Variants in TBC1D4 observed in about 807,000 individuals in gnomAD.
The protein encoded by TBC1D4 is TBC1 domain family member 4.
A neutral mutation model predicts 142.5 loss-of-function variants in TBC1D4; 121 were observed. The ratio of observed to expected loss-of-function variants is 0.85; its 90% CI spans 0.73 to 0.99. The LOEUF is 0.99. Among genes scored for constraint, TBC1D4 ranks in the 50% least tolerant of loss-of-function variants. TBC1D4 has a pLI of 0.00. For synonymous variants in TBC1D4, 630 were observed against 628.2 expected (o/e 1.00, Z -0.04); for missense variants, 1,475 against 1,606.6 (o/e 0.92, Z 1.40).
intron 1 of TBC1D4, among the ~76,000 whole-genome samples, chr13:75,444,705 C>T (rs915495163): frequency 6.6e-6 from 1 of 152,132 alleles, no homozygotes; most frequent in Admixed American, 6.6e-5. Context: ...AAATAAAAGA[C>T]AATACCCCTG....
At chr13:75,416,713 T>C (rs559727446) in intron 1 of TBC1D4, among the ~76,000 whole-genome samples, 20 of 152,262 alleles carry the variant, frequency 1.3e-4, no homozygotes, top group Middle Eastern at 3.4e-3. Context: ...TTGTGGATAA[T>C]AAAAAGTCCC....
At chr13:75,427,217 A>G (rs1256277974) in intron 1 of TBC1D4, among the ~76,000 whole-genome samples, 2 of 152,020 alleles carry the variant, frequency 1.3e-5, no homozygotes, top group Non-Finnish European at 2.9e-5. Context: ...CCTCCCGAGT[A>G]GCTGGAGCTA....
intron 1 of TBC1D4, among the ~76,000 whole-genome samples, chr13:75,394,792 T>C (rs1008510889): frequency 5.9e-5 from 9 of 152,248 alleles, no homozygotes; most frequent in African/African-American, 1.7e-4. Context: ...AATAATGTTA[T>C]TGTACTTTCA....
At chr13:75,461,049 A>C (rs545948574) in intron 1 of TBC1D4, among the ~76,000 whole-genome samples, 11 of 152,378 alleles carry the variant, frequency 7.2e-5, no homozygotes, top group African/African-American at 2.6e-4. Flanking sequence ...GTACCCATTC[A>C]GACATAAAAA....
intron 3 of TBC1D4, among the ~76,000 whole-genome samples, 170 bp from the exon 4 acceptor site, chr13:75,356,421 T>TA (rs376311241): frequency 3.9e-4 from 59 of 152,312 alleles, no homozygotes; most frequent in African/African-American, 1.3e-3. Context: ...GGCCTGTTGA[T>TA]ACATAAAATA....
intron 1 of TBC1D4, among the ~76,000 whole-genome samples, chr13:75,444,458 G>T (rs1448309123): frequency 6.6e-6 from 1 of 152,128 alleles, no homozygotes; most frequent in Non-Finnish European, 1.5e-5. Flanking sequence ...TAAATGCTGT[G>T]ATCATAATTT....
intron 1 of TBC1D4, among the ~76,000 whole-genome samples, chr13:75,452,733 T>C (rs1887580935): frequency 6.6e-6 from 1 of 152,180 alleles, no homozygotes; most frequent in Non-Finnish European, 1.5e-5. Context: ...AAGGCTTCAA[T>C]CCCTGATATA....
intron 5 of TBC1D4, among the ~76,000 whole-genome samples, chr13:75,342,058 C>T (rs1477022182): frequency 6.6e-6 from 1 of 151,812 alleles, no homozygotes; most frequent in Non-Finnish European, 1.5e-5. Context: ...ATTAGCCAGC[C>T]ATGGTGGCGG....
intron 1 of TBC1D4, among the ~76,000 whole-genome samples, chr13:75,456,819 C>T (rs1024197009): frequency 1.1e-4 from 16 of 150,810 alleles, no homozygotes; most frequent in Middle Eastern, 3.4e-3. Flanking sequence ...TGATAGCCTA[C>T]GTCCACCAAA....
chr13:75,338,169 C>T (rs11620195), intron 7 of TBC1D4, among the ~76,000 whole-genome samples: 53,559 of 151,498 alleles, frequency 0.35, 11,208 homozygotes, highest in East Asian at 0.65. Flanking sequence ...AAACTGAACT[C>T]GAGGCTTCAG....
chr13:75,413,455 C>T (rs963542343), intron 1 of TBC1D4, among the ~76,000 whole-genome samples: 3 of 152,130 alleles, frequency 2.0e-5, no homozygotes, highest in Non-Finnish European at 1.5e-5. Flanking sequence ...CCACCGCACC[C>T]GGCCAAATTT....
At chr13:75,364,874 C>A (rs914119485) in intron 1 of TBC1D4, among the ~76,000 whole-genome samples, 5 of 152,214 alleles carry the variant, frequency 3.3e-5, no homozygotes, top group African/African-American at 1.2e-4. Flanking sequence ...GCCTGTAGCA[C>A]TGATTTTACT....
intron 8 of TBC1D4, among the ~76,000 whole-genome samples, chr13:75,333,549 C>T (rs1233463043): frequency 2.6e-5 from 4 of 152,078 alleles, no homozygotes; most frequent in African/African-American, 7.2e-5. Flanking sequence ...TTCCCCACAA[C>T]GATTTTCAAG....
chr13:75,408,018 T>C (rs1368915831), intron 1 of TBC1D4, among the ~76,000 whole-genome samples: 6 of 151,848 alleles, frequency 4.0e-5, no homozygotes, highest in Middle Eastern at 3.4e-3. Flanking sequence ...ATACGGTCAC[T>C]GCTTTTTAGC....
Position 75,289,125 on chromosome 13 carries a change from T to C in TBC1D4, c.3487-15A>G. On this transcript the variant is annotated splice_polypyrimidine_tract_variant and intron_variant, in intron 19 of 20. Coordinates refer to ENST00000377636, the MANE Select transcript of TBC1D4 (RefSeq NM_014832.5). The stretch of plus-strand genomic sequence containing the variant: ...ATCTCAAAAACCTGCCATGAAAGTA[T>C]CATGGGTTAGGCTAGCCTTTGGTAT... 1 of 1,613,424 alleles carries C rather than the reference T, an allele frequency of 6.2e-7. No homozygotes were observed. The highest frequency in any genetic ancestry group is 1.1e-5 in the South Asian group (1 of 91,076).
intron 1 of TBC1D4, among the ~76,000 whole-genome samples, chr13:75,477,139 T>A (rs1888657574): frequency 1.3e-5 from 2 of 152,222 alleles, no homozygotes; most frequent in African/African-American, 4.8e-5. Flanking sequence ...GATAGATCTA[T>A]CTGTCCACAG....
At chr13:75,436,117 G>A (rs1359058179) in intron 1 of TBC1D4, among the ~76,000 whole-genome samples, 1 of 152,114 alleles carries the variant, frequency 6.6e-6, no homozygotes, top group African/African-American at 2.4e-5. Flanking sequence ...CACAAGATAT[G>A]ATGGTTTTAT....
intron 15 of TBC1D4, 64 bp from the exon 16 acceptor site, chr13:75,302,465 T>C: frequency 6.3e-7 from 1 of 1,591,468 alleles, no homozygotes; most frequent in Non-Finnish European, 8.6e-7. Context: ...AGATCCCAGC[T>C]GATTCACTAT....
At chr13:75,441,937 T>C (rs2138201443) in intron 1 of TBC1D4, among the ~76,000 whole-genome samples, 1 of 152,344 alleles carries the variant, frequency 6.6e-6, no homozygotes, top group Admixed American at 6.5e-5. Context: ...TCCAATGGCA[T>C]GGTGTAGCTG....
Sources: allele counts gnomAD v4.1 joint callset (sites outside exome capture counted in the v4.1 genomes callset), GRCh38; gene constraint gnomAD v4.1.1; transcripts MANE v1.5; gene names NCBI Gene and HGNC (gene_info 2026-07-23, HGNC 2026-07-21).